Variants in STK32B observed in about 807,000 individuals in gnomAD.
The protein encoded by STK32B is serine/threonine kinase 32B, also known as serine/threonine-protein kinase 32B.
In STK32B, 43 loss-of-function variants were observed where a neutral mutation model predicts 52.6. The ratio of observed to expected loss-of-function variants is 0.82; its 90% CI spans 0.64 to 1.05. The LOEUF is 1.05. Among genes scored for constraint, STK32B ranks in the 50% least tolerant of loss-of-function variants. The pLI is 0.00. For missense variants in STK32B, 621 were observed against 534.6 expected (o/e 1.16, Z -1.59); for synonymous variants, 238 against 204.3 (o/e 1.17, Z -1.41).
chr4:5,467,891 G>C lies in STK32B; in HGVS notation c.1042-115G>C. 1 of 1,197,300 alleles carries C rather than the reference G, an allele frequency of 8.4e-7. No homozygotes were observed. Among genetic ancestry groups the C allele is most frequent in the Admixed American group, 1.7e-5 (1 of 57,980 alleles). The allele number at this position is 1,197,300 out of a possible 1,614,324, so 74.2% of individuals were successfully genotyped here. On this transcript the variant is annotated intron_variant, in intron 10 of 11. Transcript: ENST00000282908. This position sits in a 1 kb window ranked among gnomAD's most constrained non-coding sequence, Gnocchi z 5.8. ...CAGACACTTAGCTTGGCTTGTCCCG[G>C]TCCCAAGCATCTGAGGTTTCCATCT... is the stretch of plus-strand genomic sequence containing the variant.
intron 3 of STK32B, among the ~76,000 whole-genome samples, chr4:5,274,829 C>T (rs1401309397): frequency 1.3e-5 from 2 of 152,154 alleles, no homozygotes; most frequent in African/African-American, 4.8e-5. Context: ...GTTGCAGACC[C>T]GCCGCTGACT....
intron 4 of STK32B, among the ~76,000 whole-genome samples, chr4:5,337,252 G>T (rs1004051668): frequency 6.6e-6 from 1 of 151,816 alleles, no homozygotes; most frequent in African/African-American, 2.4e-5. Flanking sequence ...GCCTCTTAAA[G>T]TGCTAGGATT....
rs149279144 is a variant in STK32B at position 5,456,692 on chromosome 4, A to G, written c.667-115A>G. The stretch of plus-strand genomic sequence containing the variant: ...GCTCTGCCGTGAAAGAGAAGCACCC[A>G]CTGTTACTTGAAGAGGAAGAATAAA... On this transcript the variant is annotated intron_variant, in intron 7 of 11. Coordinates refer to ENST00000282908, the MANE Select transcript of STK32B (RefSeq NM_018401.3). 38 of 970,210 alleles carry G rather than the reference A, an allele frequency of 3.9e-5. No individual in the cohort carries two copies. In the East Asian group the frequency reaches 9.9e-4, roughly 25 times the overall value. 60.1% of individuals were successfully genotyped at this position (970,210 alleles called of 1,614,324 possible).
At chr4:5,477,106 C>T (rs1004076561) in intron 11 of STK32B, among the ~76,000 whole-genome samples, 2 of 152,074 alleles carry the variant, frequency 1.3e-5, no homozygotes, top group African/African-American at 2.4e-5. Context: ...ACAAATATAC[C>T]TTCCAGGAAC....
chr4:5,382,972 C>T (rs184773874), intron 4 of STK32B, among the ~76,000 whole-genome samples: 2 of 152,278 alleles, frequency 1.3e-5, no homozygotes, highest in East Asian at 1.9e-4. Context: ...AGCATGTCCC[C>T]TTGGAGGATA....
chr4:5,325,094 A>G (rs564335450), intron 3 of STK32B, among the ~76,000 whole-genome samples: 171 of 152,308 alleles, frequency 1.1e-3, no homozygotes, highest in African/African-American at 3.8e-3. Flanking sequence ...GCACAGCCTC[A>G]TTGCTTTACC....
chr4:5,085,889 TTTTTCATACAGAA>T (rs1228865460), intron 1 of STK32B, among the ~76,000 whole-genome samples: 2 of 152,152 alleles, frequency 1.3e-5, no homozygotes, highest in Non-Finnish European at 2.9e-5. Context: ...AGAAGAGACC[TTTTTCATACAGAA>T]TTATAATTAC....
At chr4:5,293,477 C>G (rs933551323) in intron 3 of STK32B, among the ~76,000 whole-genome samples, 1 of 152,098 alleles carries the variant, frequency 6.6e-6, no homozygotes, top group East Asian at 1.9e-4. Context: ...TTAATGATTG[C>G]CGTTCTAACA....
At chr4:5,304,023 T>C (rs1457882476) in intron 3 of STK32B, among the ~76,000 whole-genome samples, 1 of 152,170 alleles carries the variant, frequency 6.6e-6, no homozygotes, top group African/African-American at 2.4e-5. Context: ...CTCTATTCTG[T>C]TCCATTAGTC....
At chr4:5,048,623 G>C (rs979930912), upstream of STK32B, among the ~76,000 whole-genome samples, 1 of 152,192 alleles carries the variant, frequency 6.6e-6, no homozygotes, top group African/African-American at 2.4e-5. Flanking sequence ...AGTAGAGACA[G>C]GGTTTCACCA....
At chr4:5,305,335 G>C (rs1729854922) in intron 3 of STK32B, among the ~76,000 whole-genome samples, 2 of 151,946 alleles carry the variant, frequency 1.3e-5, no homozygotes, top group South Asian at 4.2e-4. Context: ...TTCTTTCCTT[G>C]GTAACTTTTT....
intron 1 of STK32B, among the ~76,000 whole-genome samples, chr4:5,097,687 C>G (rs62290460): frequency 6.6e-6 from 1 of 152,134 alleles, no homozygotes; most frequent in Non-Finnish European, 1.5e-5. Context: ...TTTATGGTTT[C>G]TGAAAGACTT....
intron 6 of STK32B, among the ~76,000 whole-genome samples, chr4:5,442,587 G>A (rs1040930887): frequency 6.6e-6 from 1 of 151,208 alleles, no homozygotes; most frequent in Non-Finnish European, 1.5e-5. Flanking sequence ...TTTAATTGGA[G>A]CATTTAGTCC....
Position 5,256,842 on chromosome 4 carries a change from C to T in STK32B, c.261-74378C>T, listed in dbSNP as rs1476077667. ...GAACGATGTCAGGTGTTTTTCTTGT[C>T]TCCTTTCCTGGTGAGATGGAGCTGT... On this transcript the variant is annotated intron_variant, in intron 3 of 11. Coordinates refer to ENST00000282908, the MANE Select transcript of STK32B (RefSeq NM_018401.3). 2.0e-5 allele frequency among the ~76,000 whole-genome samples: 3 copies of T among 152,140 alleles called. No homozygotes were observed. In the South Asian group the frequency reaches 6.2e-4, roughly 31 times the overall value.
At chr4:5,337,805 A>T (rs73211142) in intron 4 of STK32B, among the ~76,000 whole-genome samples, 4,717 of 152,262 alleles carry the variant, frequency 0.031, 115 homozygotes, top group South Asian at 0.045. Flanking sequence ...TTACTAAATG[A>T]GTCAGCTCTG....
chr4:5,110,922 A>C (rs1190486327), intron 1 of STK32B, among the ~76,000 whole-genome samples: 1 of 152,160 alleles, frequency 6.6e-6, no homozygotes, highest in African/African-American at 2.4e-5. Context: ...AGAGGAATAA[A>C]ATAAACAACA....
the STK32B span, among the ~76,000 whole-genome samples, chr4:5,025,487 T>G: frequency 6.6e-6 from 1 of 152,170 alleles, no homozygotes; most frequent in East Asian, 1.9e-4. Context: ...TCAGCTGAGC[T>G]CCTAACTCAT....
intron 1 of STK32B, among the ~76,000 whole-genome samples, chr4:5,097,100 C>T (rs1016455508): frequency 6.6e-6 from 1 of 152,228 alleles, no homozygotes; most frequent in East Asian, 1.9e-4. Context: ...CTTGTCCCAA[C>T]TATTGCTTTA....
chr4:5,282,782 T>C (rs1228722969), intron 3 of STK32B, among the ~76,000 whole-genome samples: 2 of 152,156 alleles, frequency 1.3e-5, no homozygotes, highest in African/African-American at 2.4e-5. Context: ...GGATAATTGA[T>C]GTCCTAGGCA....
Sources: gnomAD v4.1 joint callset for allele counts (sites outside exome capture counted in the v4.1 genomes callset) on GRCh38, gnomAD v4.1.1 for gene constraint, Gnocchi (gnomAD v3.1) non-coding constraint, MANE v1.5 for transcripts, NCBI Gene and HGNC (gene_info 2026-07-23, HGNC 2026-07-21) for gene names.